G3BP2: variants seen among roughly 807,000 people sequenced by gnomAD.
The protein encoded by G3BP2 is G3BP stress granule assembly factor 2.
Under a neutral mutation model 56.7 loss-of-function variants are expected in G3BP2, and 11 were observed. That is an observed-to-expected ratio of 0.19 (90% CI 0.12 to 0.32). The LOEUF is 0.32. G3BP2 is among the 10% of genes least tolerant of loss of function. The pLI is 1.00. For missense variants in G3BP2, 340 were observed against 610.9 expected, an observed-to-expected ratio of 0.56 and a Z score of 4.67; for synonymous variants, 165 against 191.6, an observed-to-expected ratio of 0.86 and a Z score of 1.15.
chr4:75,645,206 T>G lies in G3BP2; in HGVS notation c.*224A>C. On this transcript the variant is annotated 3_prime_UTR_variant, in exon 12 of 12. Coordinates refer to ENST00000359707, the MANE Select transcript of G3BP2 (RefSeq NM_203505.3). Reference sequence around the variant, plus strand: ...AGTTTAAGATATGGTCATTTCTCAGTCCTTAATTCTCCAAGTCTAGATTTA... The same window carrying G: ...AGTTTAAGATATGGTCATTTCTCAGGCCTTAATTCTCCAAGTCTAGATTTA... 1.7e-6 allele frequency: 1 copy of G among 574,278 alleles called. No individual in the cohort carries two copies. Among genetic ancestry groups the G allele is most frequent in the Non-Finnish European group, 3.1e-6 (1 of 326,308 alleles). The allele number at this position is 574,278 out of a possible 1,614,324, so 35.6% of individuals were successfully genotyped here.
chr4:75,687,425 C>T (rs74459446), intron 3 of G3BP2, among the ~76,000 whole-genome samples: 337 of 152,260 alleles, frequency 2.2e-3, no homozygotes, highest in African/African-American at 7.6e-3. Flanking sequence ...ACTGTAAGTC[C>T]GCTGAACCTC....
intron 3 of G3BP2, among the ~76,000 whole-genome samples, chr4:75,711,645 G>A (rs1459042612): frequency 6.6e-6 from 1 of 150,880 alleles, no homozygotes; most frequent in African/African-American, 2.4e-5. Flanking sequence ...TCCAGGAGGC[G>A]GAAGCTGCAG....
intron 8 of G3BP2, 41 bp downstream of exon 8, chr4:75,653,942 T>A (rs199654851): frequency 1.2e-6 from 1 of 863,128 alleles, no homozygotes; most frequent in Non-Finnish European, 2.0e-6. Context: ...CAATTGGCAA[T>A]GTAACAAGGA....
upstream of G3BP2, among the ~76,000 whole-genome samples, chr4:75,678,049 A>G (rs1733941469): frequency 6.6e-6 from 1 of 152,234 alleles, no homozygotes; most frequent in Admixed American, 6.5e-5. Context: ...GCAAGCCCTC[A>G]CTAGGGTTGG....
At chr4:75,648,011 C>T (rs1039667138) in intron 9 of G3BP2, among the ~76,000 whole-genome samples, 26 of 152,116 alleles carry the variant, frequency 1.7e-4, no homozygotes, top group Non-Finnish European at 5.9e-5. Context: ...AGAGATAAGA[C>T]TGCTAAGAGA....
intron 3 of G3BP2, among the ~76,000 whole-genome samples, chr4:75,703,111 G>A (rs894620989): frequency 6.6e-6 from 1 of 152,198 alleles, no homozygotes; most frequent in Non-Finnish European, 1.5e-5. Flanking sequence ...GGCTCCTCCA[G>A]GCAGCCTTCT....
chr4:75,691,760 A>G (rs1176968062), intron 3 of G3BP2, among the ~76,000 whole-genome samples: 1 of 152,146 alleles, frequency 6.6e-6, no homozygotes, highest in Non-Finnish European at 1.5e-5. Context: ...ATTCTATTTA[A>G]TTGGCTGGGG....
chr4:75,723,193 G>C (rs947655708), intron 1 of G3BP2, among the ~76,000 whole-genome samples: 2 of 152,184 alleles, frequency 1.3e-5, no homozygotes, highest in Non-Finnish European at 2.9e-5. Flanking sequence ...AGAGTATGTG[G>C]GGGAGGCAGG....
chr4:75,699,528 A>C (rs995694521), intron 3 of G3BP2, among the ~76,000 whole-genome samples: 6 of 152,180 alleles, frequency 3.9e-5, no homozygotes, highest in Non-Finnish European at 7.3e-5. Context: ...CTGGCCCTCA[A>C]ACTTTAGTTT....
intron 3 of G3BP2, among the ~76,000 whole-genome samples, chr4:75,703,761 A>C (rs1224344382): frequency 6.6e-6 from 1 of 152,218 alleles, no homozygotes. Flanking sequence ...ATGTGGATGG[A>C]AAATGATCCT....
intron 9 of G3BP2, among the ~76,000 whole-genome samples, chr4:75,648,169 G>A (rs1384018219): frequency 6.6e-6 from 1 of 151,990 alleles, no homozygotes; most frequent in Non-Finnish European, 1.5e-5. Flanking sequence ...CCAACATGGT[G>A]AAACCCTGTC....
At chr4:75,648,360 A>C (rs1163865241) in intron 9 of G3BP2, among the ~76,000 whole-genome samples, 1 of 41,926 alleles carries the variant, frequency 2.4e-5, no homozygotes, top group Admixed American at 2.8e-4. Flanking sequence ...AAAAAAACAA[A>C]CAAACAAAAA....
chr4:75,704,879 C>T (rs1336555822), intron 3 of G3BP2, among the ~76,000 whole-genome samples: 2 of 152,146 alleles, frequency 1.3e-5, no homozygotes, highest in South Asian at 4.1e-4. Context: ...GTGACCCACC[C>T]GCCTTGGCCT....
At position 75,643,069 on chromosome 4, in the gene G3BP2, G is replaced by A. The variant is rs1377335458; in HGVS notation, c.*2361C>T. The A allele has an allele frequency of 6.6e-6, 1 of 152,244 alleles. No homozygotes were observed. Among genetic ancestry groups the A allele is most frequent in the African/African-American group, 2.4e-5 (1 of 41,324 alleles). The allele number at this position is 152,244 out of a possible 1,614,324, so 9.4% of individuals were successfully genotyped here. ...AATGGTAGATGAATATTTTTACTCT[G>A]TTTCACTGAAAAGAGGACAAAATGT... On this transcript the variant is annotated 3_prime_UTR_variant, in exon 12 of 12. Coordinates refer to ENST00000359707, the MANE Select transcript of G3BP2 (RefSeq NM_203505.3).
intron 8 of G3BP2, among the ~76,000 whole-genome samples, chr4:75,649,349 C>T (rs1028662693): frequency 6.6e-6 from 1 of 152,094 alleles, no homozygotes; most frequent in African/African-American, 2.4e-5. Flanking sequence ...TATGTAGCAT[C>T]TCAAATAGTT....
upstream of G3BP2, chr4:75,673,618 G>C: frequency 8.1e-7 from 1 of 1,231,062 alleles, no homozygotes; most frequent in Non-Finnish European, 1.0e-6. Flanking sequence ...CCGGCCTAAA[G>C]CCAAGATAAG....
At chr4:75,666,499 T>C (rs1560624508) in intron 1 of G3BP2, among the ~76,000 whole-genome samples, 1 of 152,208 alleles carries the variant, frequency 6.6e-6, no homozygotes, top group Non-Finnish European at 1.5e-5. Context: ...TCTTTAACCA[T>C]AACTCCGATT....
At position 75,656,952 on chromosome 4, in the gene G3BP2, A is replaced by G. The variant is rs1360336244; in HGVS notation, c.414T>C (p.Phe138=). 10 of 1,547,970 alleles carry G rather than the reference A, an allele frequency of 6.5e-6. No homozygotes were observed. Among genetic ancestry groups the G allele is most frequent in the African/African-American group, 1.4e-5 (1 of 73,362 alleles). ...NDMFRYEDEV[F]GDSEPELDEE... is the part of the protein sequence containing the mutation. ...CATCAAGTTCAGGCTCAGAATCACC[A>G]AACACTTCATCTTCATAACGAAACA... Residue 138 remains phenylalanine, a synonymous_variant, in exon 5 of 12, where the codon TTT becomes TTC. Coordinates refer to ENST00000359707, the MANE Select transcript of G3BP2 (RefSeq NM_203505.3).
At chr4:75,694,679 A>T in intron 3 of G3BP2, 1 of 695,512 alleles carries the variant, frequency 1.4e-6, no homozygotes, top group Non-Finnish European at 1.8e-6. Flanking sequence ...CGGCGGTTGC[A>T]GTGAGCCAAG....
Sources: gnomAD v4.1 joint callset for allele counts (sites outside exome capture counted in the v4.1 genomes callset) on GRCh38, gnomAD v4.1.1 for gene constraint, MANE v1.5 for transcripts, NCBI Gene and HGNC (gene_info 2026-07-23, HGNC 2026-07-21) for gene names.